TKT: variants seen among roughly 807,000 people sequenced by gnomAD.
TKT encodes epididymis luminal protein 107.
Under a neutral mutation model 63.9 loss-of-function variants are expected in TKT, and 47 were observed. That is an observed-to-expected ratio of 0.74 (90% CI 0.58 to 0.94). The LOEUF (loss-of-function observed/expected upper bound fraction) is 0.94, where lower values mean the gene tolerates loss of function less well. Among genes scored for constraint, TKT ranks in the 40% least tolerant of loss-of-function variants. TKT has a pLI of 0.00. For synonymous variants in TKT, 338 were observed against 334.1 expected (o/e 1.01, Z -0.13); for missense variants, 721 against 846.2 (o/e 0.85, Z 1.84).
rs1469677318 is a variant in TKT, at chr3:53,231,700, G to A, written c.749-150C>T. 5.1e-6 allele frequency: 4 copies of A among 777,904 alleles called. No homozygotes were observed. In the African/African-American group the frequency reaches 5.2e-5, roughly 10 times the overall value. 48.2% of individuals were successfully genotyped at this position (777,904 alleles called of 1,614,324 possible). On this transcript the variant is annotated intron_variant, in intron 6 of 13. Transcript: ENST00000462138. ...ACAGGCAGAGCCCAGCCAGGCACGG[G>A]GGCCAGGAAAGGAGGGTCGCAGTGA...
intron 2 of TKT, 58 bp from the exon 3 acceptor site, chr3:53,241,303 G>A: frequency 4.1e-6 from 6 of 1,480,124 alleles, no homozygotes; most frequent in Non-Finnish European, 5.5e-6. Context: ...ACTTCGGGCT[G>A]TGCCTACTTC....
chr3:53,235,784 G>A (rs1348908270), intron 4 of TKT, among the ~76,000 whole-genome samples: 1 of 152,216 alleles, frequency 6.6e-6, no homozygotes. Flanking sequence ...TCCAAGACTA[G>A]CTCTTGACCC....
At chr3:53,227,577 C>A in intron 12 of TKT, 1 of 160,534 alleles carries the variant, frequency 6.2e-6, no homozygotes, top group South Asian at 1.7e-4. Context: ...TGCCTGTCTC[C>A]CCTACAAACC....
chr3:53,250,550 C>A (rs538390204), intron 1 of TKT, among the ~76,000 whole-genome samples: 2 of 152,056 alleles, frequency 1.3e-5, no homozygotes, highest in East Asian at 3.9e-4. Flanking sequence ...GCAGGTGGAT[C>A]GCTTAAGCCC....
intron 2 of TKT, chr3:53,241,766 T>C (rs577708968): frequency 1.8e-4 from 55 of 313,034 alleles, no homozygotes; most frequent in African/African-American, 1.1e-3. Context: ...ACAACACAGA[T>C]AGAGCAGGTA....
Position 53,228,480 on chromosome 3 carries a change from C to G in TKT, c.1396-121G>C, listed in dbSNP as rs112165934. On this transcript the variant is annotated intron_variant, in intron 10 of 13. Transcript: ENST00000462138. Reference sequence around the variant, plus strand: ...CGTTAGTTACTGCATCCTGGCTACTCCAGCAGGGAAAAGGGCCTTGCTTGC... The same window carrying G: ...CGTTAGTTACTGCATCCTGGCTACTGCAGCAGGGAAAAGGGCCTTGCTTGC... The G allele has an allele frequency of 3.5e-4, 403 of 1,150,014 alleles. 1 individual carries two copies. In the African/African-American group the frequency reaches 4.5e-3, roughly 13 times the overall value. 71.2% of individuals were successfully genotyped at this position (1,150,014 alleles called of 1,614,324 possible). A position where few individuals can be genotyped will look rare whatever the true frequency, so the allele number is the denominator to read the frequency against.
chr3:53,239,148 G>C (rs1464118842), intron 4 of TKT, among the ~76,000 whole-genome samples: 1 of 152,104 alleles, frequency 6.6e-6, no homozygotes, highest in African/African-American at 2.4e-5. Context: ...TTCCACATAA[G>C]ATGTGACTTG....
intron 6 of TKT, 66 bp from the exon 7 acceptor site, chr3:53,231,616 T>C: frequency 6.6e-6 from 10 of 1,521,196 alleles, no homozygotes; most frequent in Non-Finnish European, 7.1e-6. Flanking sequence ...GCCAGGAGGC[T>C]GCTCCAGGAG....
chr3:53,231,663 G>T, intron 6 of TKT, 113 bp from the exon 7 acceptor site: 1 of 1,165,432 alleles, frequency 8.6e-7, no homozygotes, highest in Non-Finnish European at 1.2e-6. Context: ...GGGAGGAATG[G>T]CATCATCCCA....
chr3:53,248,056 G>C (rs1450485955), intron 1 of TKT, among the ~76,000 whole-genome samples: 1 of 152,162 alleles, frequency 6.6e-6, no homozygotes, highest in Non-Finnish European at 1.5e-5. Context: ...TAACCTCTTT[G>C]AGCCTCAGTT....
intron 4 of TKT, 87 bp from the exon 5 acceptor site, chr3:53,235,261 C>T: frequency 7.7e-7 from 1 of 1,290,964 alleles, no homozygotes; most frequent in Non-Finnish European, 1.0e-6. Flanking sequence ...AGCCTGCATT[C>T]TGGGTAAAGG....
At chr3:53,233,304 A>G in intron 5 of TKT, 30 bp from the exon 6 acceptor site, 3 of 1,567,220 alleles carry the variant, frequency 1.9e-6, no homozygotes, top group Non-Finnish European at 2.6e-6. Flanking sequence ...AGTAAGGGGC[A>G]ATTCCCAGGG....
intron 1 of TKT, chr3:53,243,732 A>G (rs1007947098): frequency 9.4e-6 from 4 of 424,804 alleles, no homozygotes; most frequent in Admixed American, 7.7e-5. Flanking sequence ...CCCTAATCCC[A>G]CGCTCCCAGG....
At chr3:53,244,970 G>C (rs1467140091) in intron 1 of TKT, among the ~76,000 whole-genome samples, 1 of 151,940 alleles carries the variant, frequency 6.6e-6, no homozygotes, top group Non-Finnish European at 1.5e-5. Context: ...TGTGACGGTG[G>C]TGTGGCAAGC....
intron 10 of TKT, 122 bp from the exon 11 acceptor site, chr3:53,228,481 C>G: frequency 1.7e-6 from 2 of 1,147,660 alleles, no homozygotes; most frequent in Non-Finnish European, 2.5e-6. Context: ...CTGGCTACTC[C>G]AGCAGGGAAA....
rs748128167 is a variant in TKT, at chr3:53,231,698, G to C, written c.749-148C>G. On this transcript the variant is annotated intron_variant, in intron 6 of 13. Transcript: ENST00000462138. ...AGACAGGCAGAGCCCAGCCAGGCACGGGGGCCAGGAAAGGAGGGTCGCAGT... is the reference window on the plus strand; with the variant it reads ...AGACAGGCAGAGCCCAGCCAGGCACCGGGGCCAGGAAAGGAGGGTCGCAGT... The C allele has an allele frequency of 2.9e-4, 225 of 783,656 alleles. 2 individuals are homozygous for C. The South Asian group carries it at 4.0e-3, about 14-fold the overall frequency. 48.5% of individuals were successfully genotyped at this position (783,656 alleles called of 1,614,324 possible).
chr3:53,250,703 C>T (rs1373259184), intron 1 of TKT, among the ~76,000 whole-genome samples: 2 of 152,224 alleles, frequency 1.3e-5, no homozygotes, highest in African/African-American at 2.4e-5. Context: ...GCCCAGGAGG[C>T]GGAGGCTGCA....
intron 4 of TKT, chr3:53,237,946 A>G (rs1346810030): frequency 6.6e-6 from 1 of 152,256 alleles, no homozygotes; most frequent in Admixed American, 6.5e-5. Flanking sequence ...AAATAAAAAA[A>G]TAAGGAAAAC....
At chr3:53,245,894 T>C (rs782654028) in intron 1 of TKT, among the ~76,000 whole-genome samples, 3 of 152,230 alleles carry the variant, frequency 2.0e-5, no homozygotes, top group Non-Finnish European at 4.4e-5. Flanking sequence ...TAGCCGAAGA[T>C]GCACATCCCT....
Sources: gnomAD v4.1 joint callset for allele counts (sites outside exome capture counted in the v4.1 genomes callset) on GRCh38, gnomAD v4.1.1 for gene constraint, MANE v1.5 for transcripts, NCBI Gene and HGNC (gene_info 2026-07-23, HGNC 2026-07-21) for gene names.